The following MCHR2 variants were observed in gnomAD, a reference collection of about 807,000 sequenced individuals.
The protein encoded by MCHR2 is melanin concentrating hormone receptor 2, also known as melanin-concentrating hormone receptor 2.
In MCHR2, 15 loss-of-function variants were observed where a neutral mutation model predicts 24.8. That is an observed-to-expected ratio of 0.60 (90% confidence interval 0.40 to 0.93). MCHR2 has a LOEUF of 0.93. Among genes scored for constraint, MCHR2 ranks in the 40% least tolerant of loss-of-function variants. The probability of loss-of-function intolerance (pLI) is 0.00; values close to 1 mark genes in which losing one functional copy is unlikely to be tolerated. For synonymous variants in MCHR2, 151 were observed against 147.6 expected, an observed-to-expected ratio of 1.02 and a Z score of -0.17; for missense variants, 386 against 408.7, an observed-to-expected ratio of 0.94 and a Z score of 0.48.
intron 1 of MCHR2, among the ~76,000 whole-genome samples, chr6:99,988,385 A>G (rs1031354100): frequency 2.6e-5 from 4 of 152,218 alleles, no homozygotes; most frequent in Admixed American, 1.3e-4. Context: ...TGTAAGCACA[A>G]TAAAAGCCAG....
chr6:99,964,145 C>T (rs963491969), intron 1 of MCHR2, among the ~76,000 whole-genome samples: 1 of 152,070 alleles, frequency 6.6e-6, no homozygotes, highest in African/African-American at 2.4e-5. Context: ...GTTGGAGCCA[C>T]AGAAACTCCC....
intron 5 of MCHR2, among the ~76,000 whole-genome samples, chr6:99,933,009 A>G (rs1248565797): frequency 6.8e-6 from 1 of 147,480 alleles, no homozygotes; most frequent in Non-Finnish European, 1.5e-5. Flanking sequence ...TATCTGTACT[A>G]TATCTCTACT....
chr6:99,920,392 T>TATATACA lies in MCHR2; in HGVS notation c.*547_*548insTGTATAT, dbSNP rs1774199040. On this transcript the variant is annotated 3_prime_UTR_variant, in exon 6 of 6. Coordinates refer to ENST00000281806, the MANE Select transcript of MCHR2 (RefSeq NM_001040179.2). ...AATAATACTTATTTCACAGGTTTGT[T>TATATACA]ACATGTAATCTTACACATTGCATGT... 6.5e-6 allele frequency: 1 copy of TATATACA among 153,312 alleles called. No individual in the cohort carries two copies. Among genetic ancestry groups the TATATACA allele is most frequent in the African/African-American group, 2.4e-5 (1 of 41,476 alleles). The allele number at this position is 153,312 out of a possible 1,614,324, so 9.5% of individuals were successfully genotyped here.
intron 1 of MCHR2, among the ~76,000 whole-genome samples, chr6:99,991,937 C>A (rs1775890572): frequency 1.3e-5 from 2 of 152,048 alleles, no homozygotes; most frequent in South Asian, 4.1e-4. Context: ...TTCTTCTTCT[C>A]ATTTCCAGCT....
chr6:99,954,827 C>T (rs1482174507), intron 2 of MCHR2, among the ~76,000 whole-genome samples: 1 of 152,084 alleles, frequency 6.6e-6, no homozygotes, highest in Non-Finnish European at 1.5e-5. Flanking sequence ...GTTTGATTTA[C>T]AAAAACTTTG....
At chr6:99,971,047 T>C (rs1174604765) in intron 1 of MCHR2, among the ~76,000 whole-genome samples, 2 of 152,208 alleles carry the variant, frequency 1.3e-5, no homozygotes, top group Admixed American at 6.5e-5. Flanking sequence ...TGATGCAGGC[T>C]CTTTTTTGGT....
At chr6:99,946,892 G>GC (rs1171460517) in intron 3 of MCHR2, among the ~76,000 whole-genome samples, 3 of 152,194 alleles carry the variant, frequency 2.0e-5, no homozygotes, top group African/African-American at 7.2e-5. Context: ...TTTGGGGTGA[G>GC]CTGCTAGGAC....
chr6:99,992,593 A>G (rs1775905621), intron 1 of MCHR2, among the ~76,000 whole-genome samples: 1 of 152,074 alleles, frequency 6.6e-6, no homozygotes, highest in South Asian at 2.1e-4. Flanking sequence ...TCCCTATTCA[A>G]TCTCCGTTTA....
intron 1 of MCHR2, among the ~76,000 whole-genome samples, chr6:99,984,231 G>C (rs866971562): frequency 2.7e-5 from 3 of 113,004 alleles, no homozygotes; most frequent in Non-Finnish European, 5.0e-5. Context: ...GTATCTTTTT[G>C]TTTTTTATTT....
At chr6:99,961,774 G>C (rs1251631275) in intron 1 of MCHR2, among the ~76,000 whole-genome samples, 23 of 152,000 alleles carry the variant, frequency 1.5e-4, no homozygotes, top group Non-Finnish European at 4.4e-5. Flanking sequence ...GTTGATGGGT[G>C]CAGCAAACCA....
chr6:99,947,601 G>T (rs779701299), intron 3 of MCHR2, among the ~76,000 whole-genome samples, 161 bp downstream of exon 3: 22 of 151,844 alleles, frequency 1.4e-4, no homozygotes, highest in Admixed American at 2.6e-4. Flanking sequence ...ATTCCTCTGT[G>T]AAAGTTGAAC....
chr6:99,969,736 C>G (rs2114565342), intron 1 of MCHR2, among the ~76,000 whole-genome samples: 1 of 131,856 alleles, frequency 7.6e-6, no homozygotes, highest in African/African-American at 2.8e-5. Context: ...CAACAGTCCC[C>G]AGAGTGTGAT....
chr6:99,935,201 T>C (rs1774631386), intron 4 of MCHR2, among the ~76,000 whole-genome samples: 1 of 152,072 alleles, frequency 6.6e-6, no homozygotes, highest in Non-Finnish European at 1.5e-5. Flanking sequence ...TTTGTCTTTT[T>C]AAAAATGCTA....
chr6:99,947,396 G>T (rs1278187126), intron 3 of MCHR2, among the ~76,000 whole-genome samples: 5 of 152,082 alleles, frequency 3.3e-5, no homozygotes, highest in African/African-American at 1.2e-4. Context: ...TTCTCTATGT[G>T]CTTCTAGCAA....
At chr6:99,956,349 C>A (rs543308880) in intron 1 of MCHR2, among the ~76,000 whole-genome samples, 175 bp from the exon 2 acceptor site, 1 of 151,992 alleles carries the variant, frequency 6.6e-6, no homozygotes, top group Non-Finnish European at 1.5e-5. Context: ...CAGATTACCA[C>A]AAGAGATAGG....
chr6:99,921,566 T>A (rs1463003903), intron 5 of MCHR2, among the ~76,000 whole-genome samples: 1 of 152,210 alleles, frequency 6.6e-6, no homozygotes, highest in Non-Finnish European at 1.5e-5. Context: ...TGTGTAATAA[T>A]CACATCATGA....
chr6:99,952,230 T>C (rs1396551959), intron 2 of MCHR2, among the ~76,000 whole-genome samples: 3 of 152,158 alleles, frequency 2.0e-5, no homozygotes, highest in Non-Finnish European at 2.9e-5. Context: ...CTGCTGTAAA[T>C]TTAATGTACA....
Position 99,920,846 on chromosome 6 carries a change from G to A in MCHR2, c.*94C>T, listed in dbSNP as rs1392386907. ...GCTAAGAGTCACAAGTACACAAGAA[G>A]AATGGGCATAAACATATCGGTACAC... On this transcript the variant is annotated 3_prime_UTR_variant, in exon 6 of 6. Coordinates refer to ENST00000281806, the MANE Select transcript of MCHR2 (RefSeq NM_001040179.2). The A allele has an allele frequency of 9.7e-6, 12 of 1,231,876 alleles. No individual in the cohort carries two copies. The Middle Eastern group carries it at 6.9e-4, about 71-fold the overall frequency. The allele number at this position is 1,231,876 out of a possible 1,614,324, so 76.3% of individuals were successfully genotyped here. A position where few individuals can be genotyped will look rare whatever the true frequency, so the allele number is the denominator to read the frequency against.
At chr6:99,930,766 T>C (rs1235016938) in intron 5 of MCHR2, among the ~76,000 whole-genome samples, 2 of 152,200 alleles carry the variant, frequency 1.3e-5, no homozygotes, top group African/African-American at 4.8e-5. Flanking sequence ...AGTTTTTAAC[T>C]TCTTTCCCTT....
Sources: allele counts gnomAD v4.1 joint callset (sites outside exome capture counted in the v4.1 genomes callset), GRCh38; gene constraint gnomAD v4.1.1; transcripts MANE v1.5; gene names NCBI Gene and HGNC (gene_info 2026-07-23, HGNC 2026-07-21).